The following CFDP1 variants were observed in gnomAD, a reference collection of about 807,000 sequenced individuals.
The protein encoded by CFDP1 is heterochromatin-stabilizing protein CFDP1.
A neutral mutation model predicts 40.1 loss-of-function variants in CFDP1; 31 were observed. That is an observed-to-expected ratio of 0.77 (90% CI 0.58 to 1.04). CFDP1 has a LOEUF of 1.04. Ranked by LOEUF, CFDP1 falls within the 50% of genes least tolerant of loss-of-function variation. The pLI, the probability that CFDP1 is intolerant of heterozygous loss-of-function variation, is 0.00. For missense variants in CFDP1, 423 were observed against 343.4 expected, an observed-to-expected ratio of 1.23 and a Z score of -1.83; for synonymous variants, 167 against 120.0, an observed-to-expected ratio of 1.39 and a Z score of -2.56.
intron 5 of CFDP1, among the ~76,000 whole-genome samples, chr16:75,363,881 A>G (rs1258989626): frequency 6.6e-6 from 1 of 151,842 alleles, no homozygotes; most frequent in Non-Finnish European, 1.5e-5. Flanking sequence ...ACAAGCGAGC[A>G]AAACAGATTT....
chr16:75,374,064 C>T (rs1011397756), intron 5 of CFDP1, among the ~76,000 whole-genome samples: 2 of 151,502 alleles, frequency 1.3e-5, no homozygotes, highest in South Asian at 2.1e-4. Flanking sequence ...ACAAGCCTGG[C>T]CAACATGACG....
At chr16:75,337,832 A>G (rs1320846231) in intron 5 of CFDP1, among the ~76,000 whole-genome samples, 1 of 152,124 alleles carries the variant, frequency 6.6e-6, no homozygotes, top group African/African-American at 2.4e-5. Context: ...TGGACAAGAG[A>G]TTTGGGCGGG....
chr16:75,410,085 A>G (rs1006769583), intron 4 of CFDP1, among the ~76,000 whole-genome samples: 3 of 113,780 alleles, frequency 2.6e-5, no homozygotes, highest in African/African-American at 9.8e-5. Context: ...AAAAAAAAAA[A>G]ACCCAAAACA....
chr16:75,297,866 G>C (rs2151497161), intron 6 of CFDP1, among the ~76,000 whole-genome samples: 1 of 152,300 alleles, frequency 6.6e-6, no homozygotes, highest in Non-Finnish European at 1.5e-5. Context: ...AAGGGAGGGA[G>C]AAATGGAAGC....
At chr16:75,410,361 C>T (rs1248108910) in intron 4 of CFDP1, among the ~76,000 whole-genome samples, 1 of 152,128 alleles carries the variant, frequency 6.6e-6, no homozygotes, top group Non-Finnish European at 1.5e-5. Flanking sequence ...AGGGAAATTA[C>T]AGGGATGTGG....
intron 5 of CFDP1, among the ~76,000 whole-genome samples, chr16:75,323,383 T>C (rs915606222): frequency 9.2e-5 from 14 of 152,092 alleles, no homozygotes; most frequent in Admixed American, 9.2e-4. Flanking sequence ...ACAACAATGC[T>C]TTCTTATGGA....
chr16:75,363,885 C>G (rs184133405), intron 5 of CFDP1, among the ~76,000 whole-genome samples: 2 of 151,110 alleles, frequency 1.3e-5, no homozygotes, highest in Non-Finnish European at 2.9e-5. Flanking sequence ...GCGAGCAAAA[C>G]AGATTTGATT....
chr16:75,404,336 C>A (rs4888410), intron 4 of CFDP1, among the ~76,000 whole-genome samples: 1 of 148,698 alleles, frequency 6.7e-6, no homozygotes, highest in East Asian at 2.1e-4. Flanking sequence ...CCCGGGTTCA[C>A]GCCATTGTCC....
At chr16:75,300,373 C>T (rs575590659) in intron 6 of CFDP1, among the ~76,000 whole-genome samples, 30 of 152,180 alleles carry the variant, frequency 2.0e-4, no homozygotes, top group Admixed American at 3.9e-4. Context: ...TTGCAACCTC[C>T]GCCTCCCGGG....
At chr16:75,304,575 C>A (rs952439296) in intron 6 of CFDP1, among the ~76,000 whole-genome samples, 3 of 152,246 alleles carry the variant, frequency 2.0e-5, no homozygotes, top group East Asian at 3.9e-4. Flanking sequence ...CCACCCCAGG[C>A]CATAATGACA....
At chr16:75,404,855 G>C (rs2079085175) in intron 4 of CFDP1, among the ~76,000 whole-genome samples, 1 of 152,184 alleles carries the variant, frequency 6.6e-6, no homozygotes, top group Admixed American at 6.6e-5. Flanking sequence ...GATCTTAGAG[G>C]TGGCTCCATA....
rs774473219 is a variant in CFDP1 at position 75,305,122 on chromosome 16, T to C, written c.711A>G (p.Lys237=). 1 of 1,614,180 alleles carries C rather than the reference T, an allele frequency of 6.2e-7. No homozygotes were observed. Among genetic ancestry groups the C allele is most frequent in the South Asian group, 1.1e-5 (1 of 91,074 alleles). The change falls in exon 6 of 7, where the codon AAA becomes AAG. Residue 237 remains lysine (K), a synonymous_variant. Coordinates refer to ENST00000283882, the MANE Select transcript of CFDP1 (RefSeq NM_006324.3). The stretch of plus-strand genomic sequence containing the variant: ...GTTTGGACTTCTCAAGGGTGCTCAT[T>C]TTCTGCTTCTTGGCACCAATTTTCC... ...LLGKIGAKKQ[K]MSTLEKSKLD...
At position 75,326,551 on chromosome 16, in the gene CFDP1, C is replaced by T. The variant is rs548174660; in HGVS notation, c.651-21369G>A. Among the ~76,000 whole-genome samples the T allele has an allele frequency of 5.9e-5, 9 of 152,364 alleles. No homozygotes were observed. The East Asian group carries it at 1.3e-3, about 23-fold the overall frequency. On this transcript the variant is annotated intron_variant, in intron 5 of 6. Coordinates refer to ENST00000283882, the MANE Select transcript of CFDP1 (RefSeq NM_006324.3). ...AGAATTATGCAGACACAAACTTCCT[C>T]TCTCGTTCAGTGGTCTGAGCTGGGG...
chr16:75,311,304 T>A (rs2078291389), intron 5 of CFDP1, among the ~76,000 whole-genome samples: 1 of 152,144 alleles, frequency 6.6e-6, no homozygotes, highest in African/African-American at 2.4e-5. Flanking sequence ...CAAACCCAGA[T>A]AATTTAAAAA....
intron 5 of CFDP1, among the ~76,000 whole-genome samples, chr16:75,329,499 T>A (rs2151514208): frequency 6.6e-6 from 1 of 152,310 alleles, no homozygotes; most frequent in South Asian, 2.1e-4. Flanking sequence ...TGGCTGCTAC[T>A]GCTTCTTTTT....
intron 6 of CFDP1, among the ~76,000 whole-genome samples, chr16:75,303,400 A>AAT (rs745774792): frequency 6.8e-6 from 1 of 146,168 alleles, no homozygotes; most frequent in Non-Finnish European, 1.5e-5. Flanking sequence ...TAAATAAATA[A>AAT]ATGTATGTAT....
At position 75,347,495 on chromosome 16, in the gene CFDP1, C is replaced by T. The variant is rs560740801; in HGVS notation, c.651-42313G>A. Among the ~76,000 whole-genome samples the T allele has an allele frequency of 4.0e-5, 6 of 151,554 alleles. No homozygotes were observed. In the East Asian group the frequency reaches 9.7e-4, roughly 25 times the overall value. On this transcript the variant is annotated intron_variant, in intron 5 of 6. Coordinates refer to ENST00000283882, the MANE Select transcript of CFDP1 (RefSeq NM_006324.3). ...GACATCGAGACCATCCTGGTTAACA[C>T]GGTGAAACCCTGTCTCTACTAAAAA...
intron 4 of CFDP1, among the ~76,000 whole-genome samples, chr16:75,406,170 T>C (rs1411729896): frequency 6.8e-6 from 1 of 146,340 alleles, no homozygotes; most frequent in Non-Finnish European, 1.5e-5. Context: ...AGCCCAGGAG[T>C]TCAAGACCAG....
In CFDP1 at chr16:75,404,574, A is replaced by G. The variant is rs142786420; in HGVS notation, c.530+7251T>C. ...GCCTAACTTATCCCCATCAATGCTGAGTCTCTTGATGGATGAGAAGCACCA... is the reference window on the plus strand; with the variant it reads ...GCCTAACTTATCCCCATCAATGCTGGGTCTCTTGATGGATGAGAAGCACCA... On this transcript the variant is annotated intron_variant, in intron 4 of 6. Transcript: ENST00000283882. 7.7e-3 allele frequency among the ~76,000 whole-genome samples: 1,172 copies of G among 152,206 alleles called. 18 individuals are homozygous for G. The highest frequency in any genetic ancestry group is 0.026 in the African/African-American group (1,074 of 41,528).
Sources: allele counts gnomAD v4.1 joint callset (sites outside exome capture counted in the v4.1 genomes callset), GRCh38; gene constraint gnomAD v4.1.1; transcripts MANE v1.5; gene names NCBI Gene and HGNC (gene_info 2026-07-23, HGNC 2026-07-21).